The following IQGAP2 variants were observed in gnomAD, a reference collection of about 807,000 sequenced individuals.
IQGAP2 encodes IQ motif containing GTPase activating protein 2, also known as ras GTPase-activating-like protein IQGAP2.
IQGAP2 carries 173 observed loss-of-function variants against 201.3 expected under a neutral mutation model. The observed-to-expected ratio is 0.86, with a 90% CI of 0.76 to 0.98. The LOEUF (loss-of-function observed/expected upper bound fraction) is 0.98, where lower values mean the gene tolerates loss of function less well. IQGAP2 is among the 50% of genes least tolerant of loss of function. The pLI, the probability that IQGAP2 is intolerant of heterozygous loss-of-function variation, is 0.00. For missense variants in IQGAP2, 1,687 were observed against 1,864.8 expected, an observed-to-expected ratio of 0.90 and a Z score of 1.76; for synonymous variants, 675 against 673.9, an observed-to-expected ratio of 1.00 and a Z score of -0.03.
At chr5:76,637,469 A>T (rs1286830560) in intron 16 of IQGAP2, among the ~76,000 whole-genome samples, 1 of 152,212 alleles carries the variant, frequency 6.6e-6, no homozygotes, top group East Asian at 1.9e-4. Context: ...TCCTTGACTT[A>T]ATTAAGCTCA....
chr5:76,521,261 C>T (rs1042268023), intron 2 of IQGAP2, among the ~76,000 whole-genome samples: 2 of 152,194 alleles, frequency 1.3e-5, no homozygotes, highest in Admixed American at 1.3e-4. Context: ...CCCTCAATGA[C>T]AGAAGGTCCC....
intron 2 of IQGAP2, among the ~76,000 whole-genome samples, chr5:76,551,299 C>T (rs1463435632): frequency 2.0e-5 from 3 of 150,614 alleles, no homozygotes; most frequent in African/African-American, 4.9e-5. Context: ...AGATGATGGG[C>T]GGCCGGGCAG....
At position 76,600,930 on chromosome 5, in the gene IQGAP2, C is replaced by G; in HGVS notation, c.1190C>G (p.Pro397Arg). The part of the protein sequence containing the change: ...LVSVQNQLRS[P>R]AIGLNNLDKA... Reference sequence around the variant, plus strand: ...TCTGTGCAGAATCAACTCAGAAGCCCCGCAATAGGCTTAAACAATCTGGAC... The same window carrying G: ...TCTGTGCAGAATCAACTCAGAAGCCGCGCAATAGGCTTAAACAATCTGGAC... Residue 397 changes from proline to arginine, a missense_variant, in exon 11 of 36, where the codon CCC becomes CGC. Physicochemically the swap from Pro to Arg is moderately radical, Grantham distance 103 (BLOSUM62 -2). Coordinates refer to ENST00000274364, the MANE Select transcript of IQGAP2 (RefSeq NM_006633.5). The G allele has an allele frequency of 6.2e-7, 1 of 1,614,102 alleles. No homozygotes were observed. The highest frequency in any genetic ancestry group is 8.5e-7 in the Non-Finnish European group (1 of 1,179,982).
intron 12 of IQGAP2, 51 bp from the exon 13 acceptor site, chr5:76,610,969 A>C (rs1252275454): frequency 1.4e-6 from 2 of 1,473,720 alleles, no homozygotes; most frequent in Non-Finnish European, 1.9e-6. Flanking sequence ...GATACTAAAG[A>C]AGTTATAATG....
At chr5:76,538,679 G>A (rs1319406751) in intron 2 of IQGAP2, among the ~76,000 whole-genome samples, 1 of 152,188 alleles carries the variant, frequency 6.6e-6, no homozygotes, top group African/African-American at 2.4e-5. Context: ...TTACCACTGT[G>A]CCCTGTTAAA....
intron 1 of IQGAP2, among the ~76,000 whole-genome samples, chr5:76,461,164 C>T (rs1222250870): frequency 6.6e-6 from 1 of 151,786 alleles, no homozygotes; most frequent in Admixed American, 6.6e-5. Context: ...AGGCGTGAGC[C>T]GCCGCACCTG....
chr5:76,698,603 TG>T (rs1388079209), intron 33 of IQGAP2, among the ~76,000 whole-genome samples: 1 of 152,200 alleles, frequency 6.6e-6, no homozygotes, highest in Non-Finnish European at 1.5e-5. Context: ...TTGACACAAC[TG>T]GCAAAATTTG....
At position 76,631,921 on chromosome 5, in the gene IQGAP2, T is replaced by A. The variant is rs748713118; in HGVS notation, c.1675T>A (p.Ser559Thr). 5 of 1,610,604 alleles carry A rather than the reference T, an allele frequency of 3.1e-6. No individual in the cohort carries two copies. In the African/African-American group the frequency reaches 5.3e-5, roughly 17 times the overall value. ...LEGKKSSDIL[S>T]VLKSSTSNAN... is the part of the protein sequence containing the mutation. The stretch of plus-strand genomic sequence containing the variant: ...AGGAAAAAAATCAAGTGATATTTTG[T>A]CTGTATTGAAGTCTTCCACTTCTAA... Residue 559 changes from serine to threonine, a missense_variant, in exon 15 of 36, where the codon TCT (serine) becomes ACT (threonine). Transcript: ENST00000274364.
intron 22 of IQGAP2, 42 bp downstream of exon 22, chr5:76,665,217 C>T: frequency 6.4e-7 from 1 of 1,556,914 alleles, no homozygotes; most frequent in East Asian, 2.2e-5. Context: ...GGGAGTAATA[C>T]TATGTTACAT....
chr5:76,663,464 G>A (rs1055117511), intron 21 of IQGAP2, among the ~76,000 whole-genome samples: 2 of 122,202 alleles, frequency 1.6e-5, no homozygotes, highest in African/African-American at 2.6e-5. Flanking sequence ...CTAGAACAGC[G>A]ACTTTCAAAT....
chr5:76,665,087 A>C lies in IQGAP2; in HGVS notation c.2591A>C (p.Asn864Thr). The C allele has an allele frequency of 6.2e-7, 1 of 1,604,168 alleles. No individual in the cohort carries two copies. The highest frequency in any genetic ancestry group is 8.5e-7 in the Non-Finnish European group (1 of 1,170,970). Residue 864 changes from asparagine (N) to threonine (T), a missense_variant, in exon 22 of 36, where the codon AAT becomes ACT. Physicochemically the swap from Asn to Thr is moderately conservative, Grantham distance 65. Coordinates refer to ENST00000274364, the MANE Select transcript of IQGAP2 (RefSeq NM_006633.5). ...KKKGGEMEIL[N>T]NTDNQGIKSL... Reference sequence around the variant, plus strand: ...AAAGGAGGAGAAATGGAAATACTGAATAACACCGACAACCAAGGAATAAAA... The same window carrying C: ...AAAGGAGGAGAAATGGAAATACTGACTAACACCGACAACCAAGGAATAAAA...
chr5:76,602,704 C>G (rs1461352562), intron 11 of IQGAP2, among the ~76,000 whole-genome samples: 4 of 152,094 alleles, frequency 2.6e-5, no homozygotes, highest in Non-Finnish European at 5.9e-5. Context: ...CTTCTACAGC[C>G]TTGGCATTTT....
At chr5:76,646,344 T>A (rs909209768) in intron 17 of IQGAP2, among the ~76,000 whole-genome samples, 3 of 152,232 alleles carry the variant, frequency 2.0e-5, no homozygotes, top group Non-Finnish European at 2.9e-5. Context: ...ATAATTAATT[T>A]AAAATTTTTT....
intron 17 of IQGAP2, among the ~76,000 whole-genome samples, chr5:76,651,938 T>C (rs1752549659): frequency 6.6e-6 from 1 of 151,906 alleles, no homozygotes. Context: ...AAAAGAAGTT[T>C]ATAAAAAAAT....
chr5:76,535,653 G>A (rs928687495), intron 2 of IQGAP2, among the ~76,000 whole-genome samples: 10 of 152,206 alleles, frequency 6.6e-5, no homozygotes, highest in African/African-American at 2.4e-4. Context: ...CCATAAAAAG[G>A]CTGATGATGA....
intron 20 of IQGAP2, among the ~76,000 whole-genome samples, chr5:76,656,261 C>T (rs1442448996): frequency 1.3e-5 from 2 of 150,674 alleles, no homozygotes; most frequent in Non-Finnish European, 2.9e-5. Flanking sequence ...CTCGCTCTTT[C>T]GCCCAGGCAG....
At chr5:76,555,641 T>G (rs1335554581) in intron 2 of IQGAP2, among the ~76,000 whole-genome samples, 1 of 152,210 alleles carries the variant, frequency 6.6e-6, no homozygotes, top group Non-Finnish European at 1.5e-5. Flanking sequence ...TTCCTGCTCC[T>G]GTAAGGTTCA....
At chr5:76,674,403 T>TA (rs539361187) in intron 26 of IQGAP2, 74 bp from the exon 27 acceptor site, 25,784 of 568,296 alleles carry the variant, frequency 0.045, 32 homozygotes, top group South Asian at 0.05. Context: ...TATATATCTT[T>TA]AAAAAAAAAA....
At chr5:76,404,947 A>G (rs976779496) in intron 1 of IQGAP2, among the ~76,000 whole-genome samples, 1 of 150,012 alleles carries the variant, frequency 6.7e-6, no homozygotes. Flanking sequence ...GTTGGGTTCA[A>G]GGAGGAATGC....
Sources: gnomAD v4.1 joint callset for allele counts (sites outside exome capture counted in the v4.1 genomes callset) on GRCh38, gnomAD v4.1.1 for gene constraint, MANE v1.5 for transcripts, NCBI Gene and HGNC (gene_info 2026-07-23, HGNC 2026-07-21) for gene names.